EPS8: variants seen among roughly 807,000 people sequenced by gnomAD.
EPS8 encodes epidermal growth factor receptor kinase substrate 8.
In EPS8, 42 loss-of-function variants were observed where a neutral mutation model predicts 103.8. The observed-to-expected ratio is 0.40, with a 90% CI of 0.32 to 0.52. The LOEUF is 0.52. Among genes scored for constraint, EPS8 ranks in the 20% least tolerant of loss-of-function variants. The probability of loss-of-function intolerance (pLI) is 0.40; values close to 1 mark genes in which losing one functional copy is unlikely to be tolerated. For synonymous variants in EPS8, 344 were observed against 344.6 expected, an observed-to-expected ratio of 1.00 and a Z score of 0.02; for missense variants, 969 against 1,005.1, an observed-to-expected ratio of 0.96 and a Z score of 0.49.
In EPS8 at chr12:15,741,458, T is replaced by A. The variant is rs1441105120; in HGVS notation, c.-22+47703A>T. Reference sequence around the variant, plus strand: ...GGCAGGATCATTTGTAGGTTGACCATCTGCAGTTTGGGGTAGAAGGGGAAA... The same window carrying A: ...GGCAGGATCATTTGTAGGTTGACCAACTGCAGTTTGGGGTAGAAGGGGAAA... On this transcript the variant is annotated intron_variant, in intron 1 of 20. Transcript: ENST00000281172. Among the ~76,000 whole-genome samples the A allele has an allele frequency of 7.9e-5, 12 of 152,246 alleles. No individual in the cohort carries two copies. In the South Asian group the frequency reaches 2.5e-3, roughly 32 times the overall value.
At position 15,636,828 on chromosome 12, in the gene EPS8, T is replaced by C. The variant is rs545292360; in HGVS notation, c.1821+3875A>G. On this transcript the variant is annotated intron_variant, in intron 17 of 20. Coordinates refer to ENST00000281172, the MANE Select transcript of EPS8 (RefSeq NM_004447.6). Reference sequence around the variant, plus strand: ...GTTATTTTCCTAAATTATAAAATAATGAACAATACCATGAAATCCAGTGAA... The same window carrying C: ...GTTATTTTCCTAAATTATAAAATAACGAACAATACCATGAAATCCAGTGAA... Among the ~76,000 whole-genome samples the C allele has an allele frequency of 2.0e-5, 3 of 152,310 alleles. No individual in the cohort carries two copies. The East Asian group carries it at 5.8e-4, about 29-fold the overall frequency.
intron 1 of EPS8, among the ~76,000 whole-genome samples, chr12:15,711,033 C>CTTAT (rs143155444): frequency 0.057 from 7,829 of 136,434 alleles, 298 homozygotes; most frequent in Admixed American, 0.1. Flanking sequence ...CCATGCCAGG[C>CTTAT]TTATTTATTT....
chr12:15,668,706 T>C (rs565257061), intron 6 of EPS8, among the ~76,000 whole-genome samples: 1 of 152,300 alleles, frequency 6.6e-6, no homozygotes, highest in Admixed American at 6.5e-5. Flanking sequence ...TAAATCAATA[T>C]CGTGGGAAAT....
chr12:15,646,986 G>A, intron 15 of EPS8, 141 bp downstream of exon 15: 1 of 761,178 alleles, frequency 1.3e-6, no homozygotes, highest in Non-Finnish European at 2.0e-6. Context: ...GTTCTCTAAA[G>A]GAACAACTGA....
rs61908136 is a variant in EPS8, at chr12:15,750,726, T to G, written c.-22+38435A>C. The stretch of plus-strand genomic sequence containing the variant: ...AGTACTTGAAACCATAGCTATTATT[T>G]ATATGATACTGAATAGAAACATACT... On this transcript the variant is annotated intron_variant, in intron 1 of 20. Coordinates refer to ENST00000281172, the MANE Select transcript of EPS8 (RefSeq NM_004447.6). Among the ~76,000 whole-genome samples the G allele has an allele frequency of 3.0e-3, 457 of 152,328 alleles. 3 individuals are homozygous for G. The highest frequency in any genetic ancestry group is 5.7e-3 in the Non-Finnish European group (390 of 68,036).
At chr12:15,739,795 T>C (rs1474045939) in intron 1 of EPS8, among the ~76,000 whole-genome samples, 1 of 152,214 alleles carries the variant, frequency 6.6e-6, no homozygotes, top group East Asian at 1.9e-4. Context: ...CACCCATCCA[T>C]CCATAAATAG....
chr12:15,748,299 G>T lies in EPS8; in HGVS notation c.-22+40862C>A, dbSNP rs1375190942. On this transcript the variant is annotated intron_variant, in intron 1 of 20. Transcript: ENST00000281172. The surrounding 1 kb of genome is among the most constrained non-coding windows in gnomAD (Gnocchi z 4.8). ...TCACAAATATCAATTAAAATATTAT[G>T]AAGTAATATTCTTAAGTCAAATGCT... Among the ~76,000 whole-genome samples, 1 of 152,122 alleles carries T rather than the reference G, an allele frequency of 6.6e-6. No homozygotes were observed. Among genetic ancestry groups the T allele is most frequent in the African/African-American group, 2.4e-5 (1 of 41,404 alleles).
In EPS8 at chr12:15,762,490, T is replaced by C. The variant is rs1178226141; in HGVS notation, c.-22+26671A>G. The stretch of plus-strand genomic sequence containing the variant: ...TCAAAGGGATATCTGCACTCCCATA[T>C]TTGTTGCAGCACTGTTTACAATCAC... On this transcript the variant is annotated intron_variant, in intron 1 of 20. Coordinates refer to ENST00000281172, the MANE Select transcript of EPS8 (RefSeq NM_004447.6). The surrounding 1 kb of genome is among the most constrained non-coding windows in gnomAD (Gnocchi z 4.8). Among the ~76,000 whole-genome samples, 1 of 152,202 alleles carries C rather than the reference T, an allele frequency of 6.6e-6. No individual in the cohort carries two copies. The highest frequency in any genetic ancestry group is 1.5e-5 in the Non-Finnish European group (1 of 68,028).
intron 1 of EPS8, among the ~76,000 whole-genome samples, chr12:15,765,483 A>T (rs550006429): frequency 6.6e-6 from 1 of 152,318 alleles, no homozygotes; most frequent in Admixed American, 6.5e-5. Flanking sequence ...CAGGAAAAAA[A>T]CAATAACAGA....
rs1401648277 is a variant in EPS8, at chr12:15,728,474, C to A, written c.-21-45502G>T. Among the ~76,000 whole-genome samples the A allele has an allele frequency of 1.3e-5, 2 of 152,254 alleles. No homozygotes were observed. The highest frequency in any genetic ancestry group is 1.3e-4 in the Admixed American group (2 of 15,292). ...TCATCTGTTCCTCACTACAAAGAAC[C>A]TTAGAGAATGTTACACAAACACAGC... On this transcript the variant is annotated intron_variant, in intron 1 of 20. Coordinates refer to ENST00000281172, the MANE Select transcript of EPS8 (RefSeq NM_004447.6). The surrounding 1 kb of genome is among the most constrained non-coding windows in gnomAD (Gnocchi z 4.5).
intron 8 of EPS8, chr12:15,665,519 C>T (rs549137200): frequency 1.8e-4 from 81 of 445,290 alleles, no homozygotes; most frequent in Non-Finnish European, 2.8e-4. Flanking sequence ...TTAATAGAGA[C>T]GGGGTTTCAT....
At chr12:15,708,708 T>C (rs1157048373) in intron 1 of EPS8, among the ~76,000 whole-genome samples, 1 of 152,190 alleles carries the variant, frequency 6.6e-6, no homozygotes, top group African/African-American at 2.4e-5. Flanking sequence ...ATATCAATCA[T>C]GAAAGAATAA....
intron 1 of EPS8, among the ~76,000 whole-genome samples, chr12:15,766,368 C>T (rs1947096413): frequency 6.6e-6 from 1 of 151,722 alleles, no homozygotes; most frequent in African/African-American, 2.4e-5. Flanking sequence ...TGGTGGGCAC[C>T]TGTAGTCCCA....
At chr12:15,774,138 C>T (rs1263938308) in intron 1 of EPS8, among the ~76,000 whole-genome samples, 3 of 151,394 alleles carry the variant, frequency 2.0e-5, no homozygotes, top group East Asian at 1.9e-4. Context: ...TAATTTTTAG[C>T]GTGTCATCAA....
At chr12:15,742,246 G>A (rs991628000) in intron 1 of EPS8, among the ~76,000 whole-genome samples, 3 of 152,182 alleles carry the variant, frequency 2.0e-5, no homozygotes, top group Non-Finnish European at 4.4e-5. Context: ...GGATGGCTGG[G>A]TCAAATAGTA....
chr12:15,640,012 C>A (rs1945201467), intron 17 of EPS8, among the ~76,000 whole-genome samples: 1 of 152,082 alleles, frequency 6.6e-6, no homozygotes, highest in Admixed American at 6.5e-5. Flanking sequence ...GTCTAAAATT[C>A]CGGAGTTTAA....
At position 15,702,277 on chromosome 12, in the gene EPS8, G is replaced by A. The variant is rs1041674260; in HGVS notation, c.-21-19305C>T. Among the ~76,000 whole-genome samples the A allele has an allele frequency of 5.9e-5, 9 of 152,166 alleles. No individual in the cohort carries two copies. Among genetic ancestry groups the A allele is most frequent in the Admixed American group, 5.2e-4 (8 of 15,282 alleles). On this transcript the variant is annotated intron_variant, in intron 1 of 20. Transcript: ENST00000281172. The surrounding 1 kb of genome is among the most constrained non-coding windows in gnomAD (Gnocchi z 5.1). ...GCCTGCCTGTCCAGTGTGATTTTAG[G>A]GTTGAGAGAGTATCATCCTATTTCC...
intron 18 of EPS8, among the ~76,000 whole-genome samples, chr12:15,624,623 T>G (rs962277347): frequency 2.6e-5 from 4 of 152,190 alleles, no homozygotes; most frequent in African/African-American, 9.6e-5. Context: ...TGTACTCCTT[T>G]GGCAAAACCC....
At position 15,751,502 on chromosome 12, in the gene EPS8, CA is replaced by C. The variant is rs1946930990; in HGVS notation, c.-22+37658del. Among the ~76,000 whole-genome samples the C allele has an allele frequency of 1.3e-5, 2 of 152,166 alleles. No individual in the cohort carries two copies. The highest frequency in any genetic ancestry group is 2.9e-5 in the Non-Finnish European group (2 of 68,036). ...AATGATCCCAGTCCTAAAAAGCTCA[CA>C]TTCAAGTGTCCTCCAGACAAACCGG... On this transcript the variant is annotated intron_variant, in intron 1 of 20. Coordinates refer to ENST00000281172, the MANE Select transcript of EPS8 (RefSeq NM_004447.6). This position sits in a 1 kb window ranked among gnomAD's most constrained non-coding sequence, Gnocchi z 4.3.
Sources: allele counts gnomAD v4.1 joint callset (sites outside exome capture counted in the v4.1 genomes callset), GRCh38; gene constraint gnomAD v4.1.1; non-coding constraint Gnocchi (gnomAD v3.1); transcripts MANE v1.5; gene names NCBI Gene and HGNC (gene_info 2026-07-23, HGNC 2026-07-21).